Variants in LDB2 observed in about 807,000 individuals in gnomAD.
LDB2 encodes the protein LIM domain-binding protein 2.
Under a neutral mutation model 44.3 loss-of-function variants are expected in LDB2, and 12 were observed. That is an observed-to-expected ratio of 0.27 (90% confidence interval 0.17 to 0.44). The LOEUF (loss-of-function observed/expected upper bound fraction) is 0.44. Ranked by LOEUF, LDB2 falls within the 20% of genes least tolerant of loss-of-function variation. LDB2 has a pLI of 1.00. For missense variants in LDB2, 344 were observed against 473.5 expected (o/e 0.73, Z 2.54); for synonymous variants, 164 against 174.8 (o/e 0.94, Z 0.49).
intron 5 of LDB2, among the ~76,000 whole-genome samples, chr4:16,523,272 A>G (rs1413910741): frequency 9.2e-5 from 14 of 152,194 alleles, no homozygotes; most frequent in Admixed American, 9.2e-4. Context: ...ATATGTAGAT[A>G]CCTATAATAA....
chr4:16,790,114 G>T (rs933164388), intron 1 of LDB2, among the ~76,000 whole-genome samples: 2 of 152,186 alleles, frequency 1.3e-5, no homozygotes, highest in African/African-American at 4.8e-5. Context: ...ACAGTAGCCA[G>T]TGATTAAAGC....
At chr4:16,687,826 G>C (rs935446030) in intron 2 of LDB2, among the ~76,000 whole-genome samples, 1 of 152,184 alleles carries the variant, frequency 6.6e-6, no homozygotes, top group African/African-American at 2.4e-5. Context: ...TTCTCAGGAA[G>C]AGAAGTTAGC....
intron 1 of LDB2, among the ~76,000 whole-genome samples, chr4:16,766,514 T>G (rs1341703014): frequency 7.0e-6 from 1 of 143,100 alleles, no homozygotes; most frequent in Non-Finnish European, 1.5e-5. Context: ...GTATATATTT[T>G]TTTTTTTTTG....
At chr4:16,744,140 T>C (rs1054777681) in intron 2 of LDB2, among the ~76,000 whole-genome samples, 5 of 150,866 alleles carry the variant, frequency 3.3e-5, no homozygotes, top group South Asian at 2.1e-4. Flanking sequence ...ATAAATAGAC[T>C]CATGTGGTTT....
At chr4:16,659,671 G>GTATATATATATATATATATATATA (rs58539901) in intron 2 of LDB2, among the ~76,000 whole-genome samples, 2 of 133,532 alleles carry the variant, frequency 1.5e-5, no homozygotes, top group African/African-American at 6.0e-5. Flanking sequence ...ATCTATGTGT[G>GTATATATATATATATATATATATA]TATATATATA....
At chr4:16,860,928 A>C (rs1057154873) in intron 1 of LDB2, among the ~76,000 whole-genome samples, 3 of 152,120 alleles carry the variant, frequency 2.0e-5, no homozygotes, top group Non-Finnish European at 4.4e-5. Context: ...AAAAAAAATC[A>C]ATCTAAAATA....
At chr4:16,871,911 C>G (rs949551784) in intron 1 of LDB2, among the ~76,000 whole-genome samples, 1 of 152,084 alleles carries the variant, frequency 6.6e-6, no homozygotes, top group Admixed American at 6.5e-5. Context: ...TGTGAGCTAC[C>G]GCGCCCAGCC....
chr4:16,682,420 G>GCCTC (rs1317715649), intron 2 of LDB2, among the ~76,000 whole-genome samples: 1 of 152,138 alleles, frequency 6.6e-6, no homozygotes, highest in Non-Finnish European at 1.5e-5. Context: ...TGAACGCTCT[G>GCCTC]CCTCCTCACA....
At chr4:16,634,022 C>T (rs1317406567) in intron 2 of LDB2, among the ~76,000 whole-genome samples, 2 of 152,172 alleles carry the variant, frequency 1.3e-5, no homozygotes, top group African/African-American at 2.4e-5. Context: ...AAAACATGCT[C>T]TATTTAATAA....
chr4:16,740,320 A>C (rs1762980744), intron 2 of LDB2, among the ~76,000 whole-genome samples: 1 of 152,124 alleles, frequency 6.6e-6, no homozygotes. Context: ...TTTTGCATTC[A>C]GTTATATTCC....
chr4:16,798,113 A>G (rs139087921), intron 1 of LDB2, among the ~76,000 whole-genome samples: 1 of 152,170 alleles, frequency 6.6e-6, no homozygotes, highest in East Asian at 1.9e-4. Context: ...TTAGCTGAAA[A>G]ATGGGATTAA....
rs997814021 is a variant in LDB2 at position 16,502,530 on chromosome 4, A to G, written c.*113T>C. On this transcript the variant is annotated 3_prime_UTR_variant, in exon 8 of 8. Transcript: ENST00000304523. ...TCAGATCATTGTGGTTTAGAAATAG[A>G]TATTTGCATGGAAAAGTTTTTATCT... 1 of 1,326,086 alleles carries G rather than the reference A, an allele frequency of 7.5e-7. No individual in the cohort carries two copies. Among genetic ancestry groups the G allele is most frequent in the Non-Finnish European group, 1.1e-6 (1 of 948,248 alleles). 82.1% of individuals were successfully genotyped at this position (1,326,086 alleles called of 1,614,324 possible).
chr4:16,510,584 T>C (rs1026020910), intron 6 of LDB2, among the ~76,000 whole-genome samples: 1 of 152,186 alleles, frequency 6.6e-6, no homozygotes, highest in Admixed American at 6.5e-5. Flanking sequence ...ACTATTCCCA[T>C]TACCAGTAGG....
chr4:16,741,025 A>G (rs1297960687), intron 2 of LDB2, among the ~76,000 whole-genome samples: 1 of 152,244 alleles, frequency 6.6e-6, no homozygotes, highest in Admixed American at 6.5e-5. Flanking sequence ...TTTCTCAAGT[A>G]ATAGCATCAA....
At chr4:16,530,092 T>G (rs1729620121) in intron 5 of LDB2, among the ~76,000 whole-genome samples, 1 of 152,198 alleles carries the variant, frequency 6.6e-6, no homozygotes, top group Non-Finnish European at 1.5e-5. Flanking sequence ...AAATTATTTA[T>G]AAACCAGCAA....
intron 1 of LDB2, among the ~76,000 whole-genome samples, chr4:16,775,123 A>G (rs78887608): frequency 0.028 from 4,269 of 152,280 alleles, 183 homozygotes; most frequent in African/African-American, 0.095. Flanking sequence ...ACAAATTACC[A>G]AAGCTCTTTG....
At chr4:16,662,921 T>C (rs1742017357) in intron 2 of LDB2, among the ~76,000 whole-genome samples, 1 of 152,084 alleles carries the variant, frequency 6.6e-6, no homozygotes, top group South Asian at 2.1e-4. Context: ...TTTATTTTCC[T>C]TGAAAAATAG....
At chr4:16,610,633 T>A (rs1160847334) in intron 2 of LDB2, among the ~76,000 whole-genome samples, 1 of 149,476 alleles carries the variant, frequency 6.7e-6, no homozygotes, top group Non-Finnish European at 1.5e-5. Flanking sequence ...ACCACCTTAC[T>A]GAAATAAGAC....
chr4:16,736,943 CA>C (rs897145773), intron 2 of LDB2, among the ~76,000 whole-genome samples: 1 of 151,868 alleles, frequency 6.6e-6, no homozygotes, highest in Non-Finnish European at 1.5e-5. Flanking sequence ...ATCAAAATAA[CA>C]AAAAAACTAT....
Sources: gnomAD v4.1 joint callset for allele counts (sites outside exome capture counted in the v4.1 genomes callset) on GRCh38, gnomAD v4.1.1 for gene constraint, MANE v1.5 for transcripts, NCBI Gene and HGNC (gene_info 2026-07-23, HGNC 2026-07-21) for gene names.